Variants in NFIB observed in about 807,000 individuals in gnomAD.
NFIB encodes nuclear factor 1 B-type.
Under a neutral mutation model 61.5 loss-of-function variants are expected in NFIB, and 11 were observed. That is an observed-to-expected ratio of 0.18 (90% CI 0.11 to 0.30). NFIB has a LOEUF of 0.30. NFIB is among the 10% of genes least tolerant of loss of function. NFIB has a pLI of 1.00. For synonymous variants in NFIB, 260 were observed against 216.5 expected (o/e 1.20, Z -1.76); for missense variants, 471 against 608.9 (o/e 0.77, Z 2.38).
intron 6 of NFIB, 62 bp downstream of exon 6, chr9:14,146,627 A>C: frequency 3.1e-6 from 5 of 1,610,198 alleles, no homozygotes; most frequent in South Asian, 1.1e-5. Flanking sequence ...TGACTCAACG[A>C]AACTTAAGAA....
At chr9:14,429,672 T>C in the NFIB span, among the ~76,000 whole-genome samples, 5 of 152,178 alleles carry the variant, frequency 3.3e-5, no homozygotes, top group Non-Finnish European at 7.3e-5. Context: ...CACTTTCTTT[T>C]CGCAAAGCCA....
chr9:14,470,669 T>A, the NFIB span, among the ~76,000 whole-genome samples: 1 of 152,108 alleles, frequency 6.6e-6, no homozygotes, highest in African/African-American at 2.4e-5. Flanking sequence ...ATGATTAGCA[T>A]CTTGTAGTAT....
Position 14,112,979 on chromosome 9 carries a change from C to A in NFIB, c.1467+20G>T. 1.3e-6 allele frequency: 2 copies of A among 1,548,912 alleles called. No homozygotes were observed. Among genetic ancestry groups the A allele is most frequent in the South Asian group, 1.2e-5 (1 of 83,936 alleles). ...GCGAAAGCGTGGCTACACCGTCACA[C>A]CTGGGTGAAACTTGCCCACCTGTTG... On this transcript the variant is annotated intron_variant, in intron 10 of 10. Transcript: ENST00000380953.
intron 2 of NFIB, among the ~76,000 whole-genome samples, chr9:14,211,396 T>C (rs1317310691): frequency 6.6e-6 from 1 of 152,082 alleles, no homozygotes; most frequent in Non-Finnish European, 1.5e-5. Context: ...AGAAACAGGA[T>C]ATAGGGAATA....
In NFIB at chr9:14,252,702, C is replaced by G. The variant is rs146186760; in HGVS notation, c.562+54287G>C. Among the ~76,000 whole-genome samples, 145 of 152,234 alleles carry G rather than the reference C, an allele frequency of 9.5e-4. 2 individuals are homozygous for G. Among genetic ancestry groups the G allele is most frequent in the Non-Finnish European group, 1.9e-4 (13 of 68,012 alleles). On this transcript the variant is annotated intron_variant, in intron 2 of 10. Coordinates refer to ENST00000380953, the MANE Select transcript of NFIB (RefSeq NM_001190737.2). ...CTTATTAATATTACCTTGGGGAAACCTCTAAGCAAAGTGAGAACAAGATCA... is the reference window on the plus strand; with the variant it reads ...CTTATTAATATTACCTTGGGGAAACGTCTAAGCAAAGTGAGAACAAGATCA...
Position 14,313,309 on chromosome 9 carries a change from GGGCCGCTC to G in NFIB, c.30+165_30+172del, listed in dbSNP as rs1035505163. Reference sequence around the variant, plus strand: ...GGGCGCTCGCAGTGGCCGTGGCGAGGGGCCGCTCCCGGCTCCCACGCCGCCCCGCGACG... The same window carrying G: ...GGGCGCTCGCAGTGGCCGTGGCGAGGCCGGCTCCCACGCCGCCCCGCGACG... On this transcript the variant is annotated intron_variant, in intron 1 of 10. Coordinates refer to ENST00000380953, the MANE Select transcript of NFIB (RefSeq NM_001190737.2). This position sits in a 1 kb window ranked among gnomAD's most constrained non-coding sequence, Gnocchi z 4.5. 6.6e-5 allele frequency among the ~76,000 whole-genome samples: 10 copies of G among 151,652 alleles called. No individual in the cohort carries two copies. Among genetic ancestry groups the G allele is most frequent in the Admixed American group, 2.0e-4 (3 of 15,200 alleles).
chr9:14,254,037 C>A (rs1488574282), intron 2 of NFIB, among the ~76,000 whole-genome samples: 1 of 152,130 alleles, frequency 6.6e-6, no homozygotes, highest in East Asian at 1.9e-4. Flanking sequence ...CATGGTAGCT[C>A]ATGCCCGTAA....
At chr9:14,115,819 T>C (rs926998595) in intron 9 of NFIB, among the ~76,000 whole-genome samples, 1 of 152,250 alleles carries the variant, frequency 6.6e-6, no homozygotes, top group African/African-American at 2.4e-5. Flanking sequence ...TCTATAGGAA[T>C]GCTCCAATAA....
the NFIB span, among the ~76,000 whole-genome samples, chr9:14,475,506 G>A: frequency 6.6e-6 from 1 of 152,130 alleles, no homozygotes; most frequent in African/African-American, 2.4e-5. Flanking sequence ...ATGGAAAAAA[G>A]GCCAGCGAGT....
At chr9:14,175,593 G>C (rs117423885) in intron 3 of NFIB, among the ~76,000 whole-genome samples, 1 of 152,120 alleles carries the variant, frequency 6.6e-6, no homozygotes, top group Admixed American at 6.5e-5. Context: ...AGGATATAAG[G>C]TGGCTTACTT....
the NFIB span, among the ~76,000 whole-genome samples, chr9:14,447,477 G>C: frequency 1.7e-4 from 26 of 152,052 alleles, no homozygotes; most frequent in African/African-American, 6.3e-4. Flanking sequence ...TTAAATTCTT[G>C]GCTTGAGGTT....
At chr9:14,429,935 T>C in the NFIB span, among the ~76,000 whole-genome samples, 1 of 152,264 alleles carries the variant, frequency 6.6e-6, no homozygotes, top group African/African-American at 2.4e-5. Context: ...TAAGAGAGTA[T>C]TCATTGTATG....
chr9:14,102,983 C>T (rs1563786710), intron 10 of NFIB, among the ~76,000 whole-genome samples: 1 of 152,202 alleles, frequency 6.6e-6, no homozygotes, highest in African/African-American at 2.4e-5. Context: ...ACCTTACAAA[C>T]ATTCGCCCTA....
At chr9:14,398,450 C>G in intron 1 of NFIB, 1 of 1,133,794 alleles carries the variant, frequency 8.8e-7, no homozygotes, top group Non-Finnish European at 1.2e-6. Context: ...GAACCCCACA[C>G]TGAGACACAT....
chr9:14,188,479 A>G (rs959469250), intron 2 of NFIB, among the ~76,000 whole-genome samples: 1 of 152,242 alleles, frequency 6.6e-6, no homozygotes, highest in Non-Finnish European at 1.5e-5. Context: ...AGAGAGAAAT[A>G]AACTAAAACA....
intron 2 of NFIB, among the ~76,000 whole-genome samples, chr9:14,225,386 G>A (rs867994367): frequency 7.5e-5 from 11 of 147,246 alleles, no homozygotes; most frequent in Non-Finnish European, 1.5e-4. Context: ...GAACCCGGGA[G>A]GCGGAGCTTG....
At chr9:14,260,070 C>T (rs2056605536) in intron 2 of NFIB, among the ~76,000 whole-genome samples, 1 of 152,162 alleles carries the variant, frequency 6.6e-6, no homozygotes, top group Non-Finnish European at 1.5e-5. Flanking sequence ...CTTTTATTAA[C>T]AGGTGCCAAG....
the NFIB span, among the ~76,000 whole-genome samples, chr9:14,449,406 A>G: frequency 2.6e-5 from 4 of 152,210 alleles, no homozygotes; most frequent in East Asian, 3.9e-4. Flanking sequence ...GACTTTAAAC[A>G]TCTCCTCAAA....
chr9:14,469,692 T>G, the NFIB span, among the ~76,000 whole-genome samples: 1 of 152,140 alleles, frequency 6.6e-6, no homozygotes, highest in African/African-American at 2.4e-5. Flanking sequence ...ATTCCCCCTT[T>G]CAGACATTAA....
Sources: allele counts gnomAD v4.1 joint callset (sites outside exome capture counted in the v4.1 genomes callset), GRCh38; gene constraint gnomAD v4.1.1; non-coding constraint Gnocchi (gnomAD v3.1); transcripts MANE v1.5; gene names NCBI Gene and HGNC (gene_info 2026-07-23, HGNC 2026-07-21).